The following HLA-B variants were observed in gnomAD, a reference collection of about 807,000 sequenced individuals.
The protein encoded by HLA-B is major histocompatibility complex, class I, B.
A neutral mutation model predicts 41.5 loss-of-function variants in HLA-B; 31 were observed. That is an observed-to-expected ratio of 0.75 (90% CI 0.56 to 1.01). The LOEUF is 1.01. HLA-B is among the 50% of genes least tolerant of loss of function. HLA-B has a pLI of 0.00. For synonymous variants in HLA-B, 138 were observed against 189.0 expected, an observed-to-expected ratio of 0.73 and a Z score of 2.21; for missense variants, 369 against 457.2, an observed-to-expected ratio of 0.81 and a Z score of 1.76.
In HLA-B at chr6:31,354,152, T is replaced by C. The variant is rs1766667799; in HGVS notation, c.*149A>G. The C allele has an allele frequency of 2.0e-6, 1 of 505,846 alleles. No homozygotes were observed. Among genetic ancestry groups the C allele is most frequent in the Non-Finnish European group, 3.8e-6 (1 of 259,816 alleles). 31.3% of individuals were successfully genotyped at this position (505,846 alleles called of 1,614,324 possible). ...ACAGTGGACACAAGGGTGGGCTGTCTCTCCACCTCCTCACATTATGCTAAC... is the reference window on the plus strand; with the variant it reads ...ACAGTGGACACAAGGGTGGGCTGTCCCTCCACCTCCTCACATTATGCTAAC... On this transcript the variant is annotated 3_prime_UTR_variant, in exon 8 of 8. Transcript: ENST00000412585.
Position 31,354,682 on chromosome 6 carries a change from T to A in HLA-B, c.1013-17A>T, listed in dbSNP as rs2507992. 7.2e-6 allele frequency: 9 copies of A among 1,249,932 alleles called. No individual in the cohort carries two copies. The highest frequency in any genetic ancestry group is 2.3e-5 in the Admixed American group (1 of 43,004). 77.4% of individuals were successfully genotyped at this position (1,249,932 alleles called of 1,614,324 possible). A position where few individuals can be genotyped will look rare whatever the true frequency, so the allele number is the denominator to read the frequency against. On this transcript the variant is annotated splice_polypyrimidine_tract_variant and intron_variant, in intron 5 of 7. Transcript: ENST00000412585. ...CTTTTCCACCTGTGGGAAGAAAATG[T>A]CCTGTGAGGGCACTGGGAGGAAGCA...
At position 31,355,381 on chromosome 6, in the gene HLA-B, T is replaced by C. The variant is rs151341359; in HGVS notation, c.831A>G (p.Glu277=). Residue 277 remains glutamate (E), a synonymous_variant, in exon 4 of 8, where the codon GAA becomes GAG. Transcript: ENST00000412585. ...GTACATGGCATGTGTATCTCTGCTC[T>C]TCTCCAGAAGGCACCACCACAGCTG... The part of the protein sequence containing the change: ...KWAAVVVPSG[E]EQRYTCHVQH... The C allele has an allele frequency of 5.0e-6, 8 of 1,587,016 alleles. No homozygotes were observed. Among genetic ancestry groups the C allele is most frequent in the East Asian group, 4.6e-5 (2 of 43,646 alleles).
In HLA-B at chr6:31,355,799, C is replaced by T. The variant is rs560410655; in HGVS notation, c.620-207G>A. The T allele has an allele frequency of 6.3e-4, 422 of 666,174 alleles. 6 individuals carry two copies. Among genetic ancestry groups the T allele is most frequent in the Admixed American group, 2.4e-3 (106 of 44,098 alleles). 41.3% of individuals were successfully genotyped at this position (666,174 alleles called of 1,614,324 possible). A position where few individuals can be genotyped will look rare whatever the true frequency, so the allele number is the denominator to read the frequency against. On this transcript the variant is annotated intron_variant, in intron 3 of 7. Transcript: ENST00000412585. ...TCTGAGCGGGGAACAGGGACTTCTG[C>T]TCCTGATCTGAGTGGAGGTAAAGTG...
chr6:31,357,073 G>GA lies in HLA-B; in HGVS notation c.73+12dup. The GA allele has an allele frequency of 1.1e-6, 1 of 904,680 alleles. No homozygotes were observed. The highest frequency in any genetic ancestry group is 5.6e-5 in the East Asian group (1 of 17,794). The allele number at this position is 904,680 out of a possible 1,614,324, so 56.0% of individuals were successfully genotyped here. A position where few individuals can be genotyped will look rare whatever the true frequency, so the allele number is the denominator to read the frequency against. ...TCCCGGCAGAGGCCATTTCCCTCCC[G>GA]ACCCGCACTCACCGGCCCAGGTCTC... is the stretch of plus-strand genomic sequence containing the variant. On this transcript the variant is annotated intron_variant, in intron 1 of 7. Transcript: ENST00000412585.
intron 3 of HLA-B, 162 bp downstream of exon 3, chr6:31,356,005 G>A: frequency 5.1e-6 from 2 of 389,926 alleles, no homozygotes; most frequent in South Asian, 5.1e-5. Context: ...ATTGTCTAGA[G>A]AGAAGAGGGG....
In HLA-B at chr6:31,355,809, G is replaced by A. The variant is rs41553914; in HGVS notation, c.620-217C>T. On this transcript the variant is annotated intron_variant, in intron 3 of 7. Transcript: ENST00000412585. ...GAACAGGGACTTCTGCTCCTGATCT[G>A]AGTGGAGGTAAAGTGACTCAGAAGT... 1,898 of 673,278 alleles carry A rather than the reference G, an allele frequency of 2.8e-3. 49 individuals are homozygous for A. Among genetic ancestry groups the A allele is most frequent in the Middle Eastern group, 3.4e-3 (14 of 4,068 alleles). The allele number at this position is 673,278 out of a possible 1,614,324, so 41.7% of individuals were successfully genotyped here. A position where few individuals can be genotyped will look rare whatever the true frequency, so the allele number is the denominator to read the frequency against.
rs886939744 is a variant in HLA-B, at chr6:31,356,615, A to T, written c.343+73T>A. The stretch of plus-strand genomic sequence containing the variant: ...TCAGGGAGGCGGATCTCGGACCCGG[A>T]GACTCGGGGCGACCCGGGCCGTACG... On this transcript the variant is annotated intron_variant, in intron 2 of 7. Transcript: ENST00000412585. The T allele has an allele frequency of 8.8e-6, 11 of 1,252,540 alleles. 2 individuals are homozygous for T. The Admixed American group carries it at 2.2e-4, about 25-fold the overall frequency. 77.6% of individuals were successfully genotyped at this position (1,252,540 alleles called of 1,614,324 possible).
Position 31,356,859 on chromosome 6 carries a change from C to G in HLA-B, c.172G>C (p.Val58Leu). The G allele has an allele frequency of 1.7e-6, 2 of 1,186,650 alleles. No homozygotes were observed. The highest frequency in any genetic ancestry group is 1.6e-5 in the South Asian group (1 of 63,668). 73.5% of individuals were successfully genotyped at this position (1,186,650 alleles called of 1,614,324 possible). ...SVGYVDDTQF[V>L]RFDSDAASPR... The stretch of plus-strand genomic sequence containing the variant: ...CTCGCGGCGTCGCTGTCGAACCTCA[C>G]GAACTGGGTGTCGTCCACGTAGCCC... The change falls in exon 2 of 8, where the codon GTG (valine) becomes CTG (leucine). Residue 58 changes from valine (V) to leucine (L), a missense_variant. Val to Leu is a conservative substitution (Grantham distance 32, BLOSUM62 1). Transcript: ENST00000412585.
chr6:31,355,736 AC>A, intron 3 of HLA-B, 144 bp from the exon 4 acceptor site: 1 of 754,802 alleles, frequency 1.3e-6, no homozygotes, highest in Non-Finnish European at 2.2e-6. Context: ...GGACGCAGGC[AC>A]CTGGGATAAT....
intron 6 of HLA-B, 30 bp downstream of exon 6, chr6:31,354,603 C>G (rs1346326173): frequency 6.9e-7 from 1 of 1,441,572 alleles, no homozygotes; most frequent in Non-Finnish European, 9.2e-7. Context: ...GGTGGGTGAG[C>G]TCCTCCACAC....
In HLA-B at chr6:31,357,142, G is replaced by A. The variant is rs765139348; in HGVS notation, c.17C>T (p.Pro6Leu). MLVMA[P>L]RTVLLLLSAA... ...CGAGAGCAGCAGGAGGACGGTTCGG[G>A]GCGCCATGACCAGCATCTCGGCGTC... Residue 6 changes from proline (P) to leucine (L), a missense_variant, in exon 1 of 8, where the codon CCC (proline) becomes CTC (leucine). By Grantham distance (98) the Pro-to-Leu change is moderately conservative. Transcript: ENST00000412585. 2.3e-6 allele frequency: 2 copies of A among 885,506 alleles called. No individual in the cohort carries two copies. Among genetic ancestry groups the A allele is most frequent in the South Asian group, 3.0e-5 (1 of 33,192 alleles). The allele number at this position is 885,506 out of a possible 1,614,324, so 54.9% of individuals were successfully genotyped here.
At chr6:31,354,366 C>T (rs17199279) in intron 7 of HLA-B, 70 bp from the exon 8 acceptor site, 27,655 of 465,998 alleles carry the variant, frequency 0.059, 1,657 homozygotes, top group Admixed American at 0.14. Context: ...AAACAGCCCA[C>T]CACACACGCG....
At position 31,356,372 on chromosome 6, in the gene HLA-B, GTCA is replaced by G; in HGVS notation, c.411_413del (p.Asp138del). ...AATCCTTGCCGTCGTAGGCGTACTG[GTCA>G]TGCCCGCGGAGGAGGCGCCCGTCCG... On this transcript the variant is annotated inframe_deletion, in exon 3 of 8. Transcript: ENST00000412585. 1 of 1,021,258 alleles carries G rather than the reference GTCA, an allele frequency of 9.8e-7. No individual in the cohort carries two copies. The highest frequency in any genetic ancestry group is 1.3e-6 in the Non-Finnish European group (1 of 767,158). The allele number at this position is 1,021,258 out of a possible 1,614,324, so 63.3% of individuals were successfully genotyped here.
In HLA-B at chr6:31,355,158, C is replaced by T; in HGVS notation, c.961G>A (p.Val321Met). 8.1e-7 allele frequency: 1 copy of T among 1,230,922 alleles called. No individual in the cohort carries two copies. The allele number at this position is 1,230,922 out of a possible 1,614,324, so 76.2% of individuals were successfully genotyped here. ...IVAGLAVLAVVVIGAVVAAVM... is the reference protein window; with the variant it reads ...IVAGLAVLAVMVIGAVVAAVM... Reference sequence around the variant, plus strand: ...GCAGCGACCACAGCTCCGATGACCACAACTGCTAGGACAGCCAGGCCAGCA... The same window carrying T: ...GCAGCGACCACAGCTCCGATGACCATAACTGCTAGGACAGCCAGGCCAGCA... Residue 321 changes from valine (V) to methionine (M), a missense_variant, in exon 5 of 8, where the codon GTG becomes ATG. Transcript: ENST00000412585.
chr6:31,356,553 C>T lies in HLA-B; in HGVS notation c.344-111G>A, dbSNP rs990302858. The T allele has an allele frequency of 1.0e-4, 117 of 1,115,320 alleles. 1 individual carries two copies. Among genetic ancestry groups the T allele is most frequent in the Admixed American group, 2.0e-4 (7 of 35,820 alleles). The allele number at this position is 1,115,320 out of a possible 1,614,324, so 69.1% of individuals were successfully genotyped here. On this transcript the variant is annotated intron_variant, in intron 2 of 7. Transcript: ENST00000412585. ...TGAAACCGGGTAAACGCGCCTGGGG[C>T]TCTCGCCGGTCGAGGGTCTGGGCGG...
intron 5 of HLA-B, chr6:31,354,893 A>C (rs1766771175): frequency 8.7e-6 from 3 of 344,578 alleles, no homozygotes; most frequent in South Asian, 3.3e-5. Context: ...TGGAATCAGG[A>C]CCCCAACACC....
rs41562716 is a variant in HLA-B at position 31,356,297 on chromosome 6, C to T, written c.489G>A (p.Ala163=). ...DLRSWTAADT[A]AQITQRKWEA... is the part of the protein sequence containing the mutation. ...CCCACTTGCGCTGGGTGATCTGAGC[C>T]GCCGTGTCCGCGGCGGTCCAGGAGC... Residue 163 remains alanine, a synonymous_variant, in exon 3 of 8, where the codon GCG becomes GCA. Transcript: ENST00000412585. 387 of 1,368,552 alleles carry T rather than the reference C, an allele frequency of 2.8e-4. 10 individuals carry two copies. Among genetic ancestry groups the T allele is most frequent in the South Asian group, 7.8e-4 (64 of 82,336 alleles). 84.8% of individuals were successfully genotyped at this position (1,368,552 alleles called of 1,614,324 possible).
At chr6:31,356,489 CCCCGA>C (rs759615853) in intron 2 of HLA-B, 47 bp from the exon 3 acceptor site, 1 of 777,896 alleles carries the variant, frequency 1.3e-6, no homozygotes, top group Non-Finnish European at 1.7e-6. Flanking sequence ...CCCCGCCCCG[CCCCGA>C]CCAACCCGCG....
At chr6:31,354,700 A>T in intron 5 of HLA-B, 35 bp from the exon 6 acceptor site, 1 of 1,112,728 alleles carries the variant, frequency 9.0e-7, no homozygotes, top group Non-Finnish European at 1.2e-6. Flanking sequence ...GGGCACTGGG[A>T]GGAAGCAGGG....
Sources: allele counts gnomAD v4.1 joint callset, GRCh38; gene constraint gnomAD v4.1.1; transcripts MANE v1.5; gene names NCBI Gene and HGNC (gene_info 2026-07-23, HGNC 2026-07-21).